The following PACRGL variants were observed in gnomAD, a reference collection of about 807,000 sequenced individuals.
The protein encoded by PACRGL is PACRG-like protein.
PACRGL carries 38 observed loss-of-function variants against 34.5 expected under a neutral mutation model. The observed-to-expected ratio is 1.10, with a 90% confidence interval of 0.85 to 1.44. PACRGL has a LOEUF of 1.44. Ranked by LOEUF, PACRGL falls within the 40% of genes most tolerant of loss-of-function variation. PACRGL has a pLI of 0.00. For missense variants in PACRGL, 305 were observed against 281.4 expected (o/e 1.08, Z -0.60); for synonymous variants, 128 against 100.1 (o/e 1.28, Z -1.66).
chr4:20,725,816 A>AGT (rs1745398415), intron 8 of PACRGL, among the ~76,000 whole-genome samples: 1 of 151,482 alleles, frequency 6.6e-6, no homozygotes, highest in African/African-American at 2.4e-5. Context: ...AGAGGAAGTA[A>AGT]GTGTCTAAGC....
chr4:20,753,630 C>T (rs994589552), downstream of PACRGL, among the ~76,000 whole-genome samples: 1 of 152,092 alleles, frequency 6.6e-6, no homozygotes, highest in Non-Finnish European at 1.5e-5. Flanking sequence ...ATAGAATCAC[C>T]TTCATGTATT....
chr4:20,705,667 G>C (rs564825904), intron 3 of PACRGL, among the ~76,000 whole-genome samples: 1 of 151,830 alleles, frequency 6.6e-6, no homozygotes, highest in Non-Finnish European at 1.5e-5. Context: ...TTACGGTGAC[G>C]CTTCAATTTT....
rs955801183 is a variant in PACRGL at position 20,700,521 on chromosome 4, A to G, written c.-283A>G. 3 of 152,092 alleles carry G rather than the reference A, an allele frequency of 2.0e-5. No individual in the cohort carries two copies. Among genetic ancestry groups the G allele is most frequent in the Admixed American group, 2.0e-4 (3 of 15,290 alleles). The allele number at this position is 152,092 out of a possible 1,614,324, so 9.4% of individuals were successfully genotyped here. A position where few individuals can be genotyped will look rare whatever the true frequency, so the allele number is the denominator to read the frequency against. On this transcript the variant is annotated 5_prime_UTR_variant, in exon 1 of 9. Transcript: ENST00000503585. Reference sequence around the variant, plus strand: ...GTTGTTGGCCGACCGAGTGCCGGTCATAAGCCCCCCCCGGTGGGGGGCAGC... The same window carrying G: ...GTTGTTGGCCGACCGAGTGCCGGTCGTAAGCCCCCCCCGGTGGGGGGCAGC...
chr4:20,762,833 G>A, the PACRGL span, among the ~76,000 whole-genome samples: 1 of 152,136 alleles, frequency 6.6e-6, no homozygotes. Context: ...CCCAAGTCTG[G>A]GTAATTTATA....
At chr4:20,706,011 A>G (rs766573928) in intron 3 of PACRGL, among the ~76,000 whole-genome samples, 21 of 151,342 alleles carry the variant, frequency 1.4e-4, no homozygotes, top group Non-Finnish European at 2.8e-4. Context: ...TAAATATTTG[A>G]GTTAAAAAAT....
rs141003893 is a variant in PACRGL at position 20,716,288 on chromosome 4, A to T, written c.609+2749A>T. 1.0e-3 allele frequency: 621 copies of T among 610,018 alleles called. 1 individual carries two copies. The highest frequency in any genetic ancestry group is 1.1e-3 in the Non-Finnish European group (384 of 346,872). 37.8% of individuals were successfully genotyped at this position (610,018 alleles called of 1,614,324 possible). On this transcript the variant is annotated intron_variant, in intron 7 of 8. Transcript: ENST00000503585. ...GGGCAGGGTCCATGAGAGACCAGTC[A>T]TGGAGTTTTCAGTTTTCTTCTCCTA...
At chr4:20,759,613 C>G in the PACRGL span, among the ~76,000 whole-genome samples, 2 of 151,752 alleles carry the variant, frequency 1.3e-5, no homozygotes, top group South Asian at 2.1e-4. Context: ...AAGGTTAGCC[C>G]TCTGAGAGTG....
intron 7 of PACRGL, chr4:20,716,118 G>C: frequency 6.6e-7 from 1 of 1,524,626 alleles, no homozygotes; most frequent in Non-Finnish European, 8.8e-7. Flanking sequence ...ACCCTGTGCA[G>C]CTCATGAGGT....
At chr4:20,755,720 T>A (rs949199226), downstream of PACRGL, among the ~76,000 whole-genome samples, 2 of 152,150 alleles carry the variant, frequency 1.3e-5, no homozygotes, top group Non-Finnish European at 2.9e-5. Flanking sequence ...AGGGCAAGTC[T>A]CACTGAGAAG....
At chr4:20,705,599 G>T (rs1162229961) in intron 3 of PACRGL, among the ~76,000 whole-genome samples, 1 of 152,080 alleles carries the variant, frequency 6.6e-6, no homozygotes, top group Non-Finnish European at 1.5e-5. Flanking sequence ...AATACCTGAA[G>T]AAGGCCCTAA....
intron 8 of PACRGL, among the ~76,000 whole-genome samples, 182 bp downstream of exon 8, chr4:20,725,070 G>A (rs1745049378): frequency 6.6e-6 from 1 of 152,048 alleles, no homozygotes; most frequent in Non-Finnish European, 1.5e-5. Context: ...CTGTTCTCAA[G>A]CCCTGCGACT....
chr4:20,703,401 C>T (rs961521558), intron 1 of PACRGL, among the ~76,000 whole-genome samples: 15 of 151,474 alleles, frequency 9.9e-5, no homozygotes, highest in Admixed American at 7.9e-4. Flanking sequence ...ATTTGAGAAA[C>T]CAAGATGAGG....
In PACRGL at chr4:20,727,437, C is replaced by A; in HGVS notation, c.*96C>A. 1 of 1,021,298 alleles carries A rather than the reference C, an allele frequency of 9.8e-7. No homozygotes were observed. The highest frequency in any genetic ancestry group is 1.5e-6 in the Non-Finnish European group (1 of 668,006). The allele number at this position is 1,021,298 out of a possible 1,614,324, so 63.3% of individuals were successfully genotyped here. The stretch of plus-strand genomic sequence containing the variant: ...ATTTTATTCTTTTGTAAATCACAGC[C>A]ACCATTCATTATTTACTAGGTTAAG... On this transcript the variant is annotated 3_prime_UTR_variant, in exon 9 of 9. Transcript: ENST00000503585.
At chr4:20,705,342 C>G (rs1421776811) in intron 3 of PACRGL, among the ~76,000 whole-genome samples, 6 of 151,994 alleles carry the variant, frequency 3.9e-5, no homozygotes, top group Admixed American at 3.9e-4. Context: ...TGTTATTTGC[C>G]CCATGCCCAA....
the PACRGL span, among the ~76,000 whole-genome samples, chr4:20,764,681 G>GACACACACACACACAC: frequency 1.7e-3 from 251 of 147,210 alleles, 2 homozygotes; most frequent in East Asian, 0.014. Flanking sequence ...ATGGGAATTG[G>GACACACACACACACAC]ACACACACAC....
chr4:20,719,349 G>A (rs1388641380), intron 7 of PACRGL, among the ~76,000 whole-genome samples: 2 of 152,086 alleles, frequency 1.3e-5, no homozygotes, highest in African/African-American at 4.8e-5. Flanking sequence ...TCTGATCTTA[G>A]TTATTTCTTG....
chr4:20,707,661 G>A (rs1313575308), intron 3 of PACRGL, 142 bp from the exon 4 acceptor site: 2 of 690,446 alleles, frequency 2.9e-6, no homozygotes, highest in East Asian at 5.4e-5. Flanking sequence ...AGTAGAGAGA[G>A]GATTGACAGT....
downstream of PACRGL, among the ~76,000 whole-genome samples, chr4:20,755,628 G>A (rs1448803071): frequency 6.6e-6 from 1 of 152,176 alleles, no homozygotes; most frequent in Non-Finnish European, 1.5e-5. Flanking sequence ...TTATTGGATT[G>A]TCTCGAGTGC....
intron 8 of PACRGL, among the ~76,000 whole-genome samples, chr4:20,725,465 A>G (rs1044649091): frequency 2.0e-5 from 3 of 151,578 alleles, no homozygotes; most frequent in African/African-American, 4.8e-5. Context: ...TCATAACTGT[A>G]TGGTGTCAGA....
Sources: allele counts gnomAD v4.1 joint callset (sites outside exome capture counted in the v4.1 genomes callset), GRCh38; gene constraint gnomAD v4.1.1; transcripts MANE v1.5; gene names NCBI Gene and HGNC (gene_info 2026-07-23, HGNC 2026-07-21).